Variants in LGALS8 observed in about 807,000 individuals in gnomAD.
LGALS8 encodes galectin 8.
Under a neutral mutation model 35.9 loss-of-function variants are expected in LGALS8, and 30 were observed. The ratio of observed to expected loss-of-function variants is 0.83; its 90% CI spans 0.62 to 1.13. The LOEUF (loss-of-function observed/expected upper bound fraction) is 1.13, where lower values mean the gene tolerates loss of function less well. LGALS8 is among the 50% of genes most tolerant of loss of function. The pLI, the probability that LGALS8 is intolerant of heterozygous loss-of-function variation, is 0.00. For missense variants in LGALS8, 366 were observed against 388.7 expected, an observed-to-expected ratio of 0.94 and a Z score of 0.49; for synonymous variants, 138 against 136.1, an observed-to-expected ratio of 1.01 and a Z score of -0.10.
intron 2 of LGALS8, 23 bp from the exon 3 acceptor site, chr1:236,537,474 A>G: frequency 6.9e-7 from 1 of 1,449,084 alleles, no homozygotes; most frequent in Non-Finnish European, 9.7e-7. Flanking sequence ...GTAAACGTAC[A>G]TTTGTTAAAT....
Position 236,538,910 on chromosome 1 carries a change from A to G in LGALS8, c.166A>G (p.Met56Val), listed in dbSNP as rs1041937. ...GGTGGATCTGCAGAATGGCAGCAGC[A>G]TGAAACCTCGAGCCGATGTGGCCTT... ...FQVDLQNGSSMKPRADVAFHF... is the reference protein window; with the variant it reads ...FQVDLQNGSSVKPRADVAFHF... The change falls in exon 4 of 10, where the codon ATG becomes GTG. Residue 56 changes from methionine (M) to valine (V), a missense_variant. Physicochemically the swap from Met to Val is conservative, Grantham distance 21. Transcript: ENST00000366584. 0.71 allele frequency: 1,142,989 copies of G among 1,611,126 alleles called. 408,385 individuals are homozygous for G. Among genetic ancestry groups the G allele is most frequent in the Non-Finnish European group, 0.73 (859,497 of 1,178,414 alleles).
chr1:236,547,590 C>A (rs1346432066), intron 9 of LGALS8, among the ~76,000 whole-genome samples: 1 of 152,022 alleles, frequency 6.6e-6, no homozygotes, highest in African/African-American at 2.4e-5. Flanking sequence ...TGGTTCCAGG[C>A]TACAGCTGGA....
upstream of LGALS8, among the ~76,000 whole-genome samples, chr1:236,519,014 T>C (rs1660479760): frequency 1.3e-5 from 2 of 152,188 alleles, no homozygotes; most frequent in Admixed American, 6.5e-5. Context: ...GAGCTTACAA[T>C]TCATGTCTAA....
intron 2 of LGALS8, among the ~76,000 whole-genome samples, chr1:236,532,860 C>CAA: frequency 6.6e-6 from 1 of 151,824 alleles, no homozygotes; most frequent in South Asian, 2.1e-4. Context: ...AAACAAAAAA[C>CAA]AAAAAACAAA....
intron 1 of LGALS8, 184 bp downstream of exon 1, chr1:236,524,245 G>A (rs1313428759): frequency 1.5e-5 from 7 of 455,924 alleles, no homozygotes; most frequent in Non-Finnish European, 2.6e-5. Context: ...CCGGGGCTGG[G>A]TGGCGGGGAC....
Position 236,539,011 on chromosome 1 carries a change from A to G in LGALS8, c.267A>G (p.Glu89=), listed in dbSNP as rs757388227. The G allele has an allele frequency of 1.9e-6, 3 of 1,614,164 alleles. No individual in the cohort carries two copies. The highest frequency in any genetic ancestry group is 2.2e-5 in the South Asian group (2 of 91,084). Reference sequence around the variant, plus strand: ...TGATAAATGAAAAATGGGGACGGGAAGAGATCACCTATGACACGCCTTTCA... The same window carrying G: ...TGATAAATGAAAAATGGGGACGGGAGGAGATCACCTATGACACGCCTTTCA... ...NTLINEKWGR[E]EITYDTPFKR... Residue 89 remains glutamate (E), a synonymous_variant, in exon 4 of 10, where the codon GAA becomes GAG. Transcript: ENST00000366584.
In LGALS8 at chr1:236,548,356, G is replaced by C. The variant is rs1662541564; in HGVS notation, c.*195G>C. 3 of 580,038 alleles carry C rather than the reference G, an allele frequency of 5.2e-6. No individual in the cohort carries two copies. In the African/African-American group the frequency reaches 5.6e-5, roughly 11 times the overall value. The allele number at this position is 580,038 out of a possible 1,614,324, so 35.9% of individuals were successfully genotyped here. On this transcript the variant is annotated 3_prime_UTR_variant, in exon 10 of 10. Transcript: ENST00000366584. Reference sequence around the variant, plus strand: ...CTAGCACTGAATGGGGAAACTGGGGGCAGCAACACTTATAGCCAGTTAAAG... The same window carrying C: ...CTAGCACTGAATGGGGAAACTGGGGCCAGCAACACTTATAGCCAGTTAAAG...
chr1:236,524,606 T>C (rs771009494), intron 1 of LGALS8: 8 of 360,778 alleles, frequency 2.2e-5, no homozygotes, highest in African/African-American at 4.3e-5. Context: ...TACGTGAAAC[T>C]TAAGTGATGG....
At chr1:236,545,488 C>T (rs2799407) in intron 9 of LGALS8, among the ~76,000 whole-genome samples, 92,917 of 152,026 alleles carry the variant, frequency 0.61, 29,294 homozygotes, top group Non-Finnish European at 0.69. Flanking sequence ...CCTTGTGATG[C>T]GGATGCCGGG....
Position 236,539,089 on chromosome 1 carries a change from G to C in LGALS8, c.345G>C (p.Gln115His). The change falls in exon 4 of 10, where the codon CAG becomes CAC. Residue 115 changes from glutamine to histidine, a missense_variant and splice_region_variant. Gln to His is a conservative substitution (Grantham distance 24). Coordinates refer to ENST00000366584, the MANE Select transcript of LGALS8 (RefSeq NM_201544.4). ...TTATGGTGCTGAAGGACAAATTCCA[G>C]GTAGGTTTTGGAGAGGGACAGGTTG... ...IVIMVLKDKFQVAVNGKHTLL... is the reference protein window; with the variant it reads ...IVIMVLKDKFHVAVNGKHTLL... 6.2e-7 allele frequency: 1 copy of C among 1,613,258 alleles called. No individual in the cohort carries two copies. The highest frequency in any genetic ancestry group is 8.5e-7 in the Non-Finnish European group (1 of 1,179,744).
In LGALS8 at chr1:236,528,393, A is replaced by ACC. The variant is rs199624541; in HGVS notation, c.45+2278_45+2279insCC. On this transcript the variant is annotated intron_variant, in intron 2 of 9. Transcript: ENST00000366584. ...CGAGACTCCATCTCAAAAAAAAAAA[A>ACC]ACCCCCCCACACACAAAACCTGTTT... 2.2e-3 allele frequency among the ~76,000 whole-genome samples: 206 copies of ACC among 91,986 alleles called. 2 individuals are homozygous for ACC. Among genetic ancestry groups the ACC allele is most frequent in the African/African-American group, 6.0e-3 (192 of 32,148 alleles). 60.3% of individuals were successfully genotyped at this position (91,986 alleles called of 152,430 possible).
upstream of LGALS8, chr1:236,518,552 TA>T (rs1221723545): frequency 6.6e-6 from 1 of 152,216 alleles, no homozygotes; most frequent in African/African-American, 2.4e-5. Context: ...TTGCATAATT[TA>T]AAACCTACAT....
rs1311281617 is a variant in LGALS8, at chr1:236,549,004, A to G, written c.*843A>G. ...AAAGTTTCAGGAAGAGGCAAGATGCATTCAATTTGAAAGATATTTATGGGC... is the reference window on the plus strand; with the variant it reads ...AAAGTTTCAGGAAGAGGCAAGATGCGTTCAATTTGAAAGATATTTATGGGC... On this transcript the variant is annotated 3_prime_UTR_variant, in exon 10 of 10. Coordinates refer to ENST00000366584, the MANE Select transcript of LGALS8 (RefSeq NM_201544.4). 2.3e-5 allele frequency: 9 copies of G among 398,536 alleles called. No homozygotes were observed. The highest frequency in any genetic ancestry group is 1.3e-4 in the South Asian group (1 of 7,868). 24.7% of individuals were successfully genotyped at this position (398,536 alleles called of 1,614,324 possible). A position where few individuals can be genotyped will look rare whatever the true frequency, so the allele number is the denominator to read the frequency against.
chr1:236,552,284 CTGTT>C lies in LGALS8; in HGVS notation c.*4127_*4130del, dbSNP rs1572028771. On this transcript the variant is annotated 3_prime_UTR_variant, in exon 10 of 10. Transcript: ENST00000366584. Reference sequence around the variant, plus strand: ...GAATACCAGTTTCACCATTTGGGAGCTGTTTGTAATATGTGCAACCTTATAAATA... The same window carrying C: ...GAATACCAGTTTCACCATTTGGGAGCTGTAATATGTGCAACCTTATAAATA... The C allele has an allele frequency of 4.1e-6, 2 of 491,462 alleles. No individual in the cohort carries two copies. The highest frequency in any genetic ancestry group is 3.9e-5 in the African/African-American group (2 of 50,644). The allele number at this position is 491,462 out of a possible 1,614,324, so 30.4% of individuals were successfully genotyped here. A position where few individuals can be genotyped will look rare whatever the true frequency, so the allele number is the denominator to read the frequency against.
At chr1:236,530,756 C>T (rs886338877) in intron 2 of LGALS8, among the ~76,000 whole-genome samples, 3 of 152,194 alleles carry the variant, frequency 2.0e-5, no homozygotes, top group Admixed American at 2.0e-4. Context: ...AAATTTTAAA[C>T]TACATTTATG....
At chr1:236,537,352 A>C in intron 2 of LGALS8, 145 bp from the exon 3 acceptor site, 1 of 627,108 alleles carries the variant, frequency 1.6e-6, no homozygotes, top group Non-Finnish European at 2.8e-6. Flanking sequence ...AGGAAAGATG[A>C]CTTGGAAAAT....
intron 2 of LGALS8, among the ~76,000 whole-genome samples, chr1:236,532,608 G>A (rs992177588): frequency 1.3e-5 from 2 of 152,140 alleles, no homozygotes; most frequent in African/African-American, 2.4e-5. Flanking sequence ...TTGGGAGGCC[G>A]AGGTGGGTGG....
chr1:236,539,412 C>T (rs1265373802), intron 4 of LGALS8, among the ~76,000 whole-genome samples: 8 of 152,144 alleles, frequency 5.3e-5, no homozygotes, highest in Non-Finnish European at 7.3e-5. Flanking sequence ...ATAATATAAC[C>T]GCCACCACCC....
At chr1:236,537,798 T>TA (rs34020982) in intron 3 of LGALS8, among the ~76,000 whole-genome samples, 89,713 of 147,246 alleles carry the variant, frequency 0.61, 29,085 homozygotes, top group Non-Finnish European at 0.69. Context: ...GATTTCAGTA[T>TA]AAAAAATTAG....
Sources: allele counts gnomAD v4.1 joint callset (sites outside exome capture counted in the v4.1 genomes callset), GRCh38; gene constraint gnomAD v4.1.1; transcripts MANE v1.5; gene names NCBI Gene and HGNC (gene_info 2026-07-23, HGNC 2026-07-21).